The following POF1B variants were observed in gnomAD, a reference collection of about 807,000 sequenced individuals.
The protein encoded by POF1B is POF1B actin binding protein, also known as protein POF1B.
A neutral mutation model predicts 55.3 loss-of-function variants in POF1B; 53 were observed. That is an observed-to-expected ratio of 0.96 (90% CI 0.77 to 1.20). The LOEUF is 1.20. Among genes scored for constraint, POF1B ranks in the 50% most tolerant of loss-of-function variants. POF1B has a pLI of 0.00. For missense variants in POF1B, 478 were observed against 420.5 expected (o/e 1.14, Z -1.20); for synonymous variants, 188 against 148.3 (o/e 1.27, Z -1.95).
intron 4 of POF1B, 24 bp from the exon 5 acceptor site, chrX:85,351,475 T>G (rs768443868): frequency 8.9e-7 from 1 of 1,117,328 alleles, no homozygotes; most frequent in Admixed American, 2.3e-5. Flanking sequence ...AAATTATATG[T>G]TTTGTTTTGA....
chrX:85,285,656 T>TGGGGGGGG (rs1932034409), intron 15 of POF1B, among the ~76,000 whole-genome samples: 2 of 36,357 alleles, frequency 5.5e-5, no homozygotes, highest in Admixed American at 4.2e-4. Context: ...TGTCGTGGGG[T>TGGGGGGGG]GGGGGGAGGG....
chrX:85,303,058 G>A (rs1005243088), intron 15 of POF1B, among the ~76,000 whole-genome samples: 3 of 111,298 alleles, frequency 2.7e-5, no homozygotes, highest in Non-Finnish European at 3.8e-5. Context: ...AAATCCATCT[G>A]GATACCAAGT....
intron 7 of POF1B, among the ~76,000 whole-genome samples, chrX:85,316,437 C>A (rs888134869): frequency 1.4e-4 from 15 of 110,943 alleles, no homozygotes; most frequent in African/African-American, 4.2e-4. Context: ...ACTGGTTATA[C>A]CAGACTGGCA....
intron 2 of POF1B, among the ~76,000 whole-genome samples, chrX:85,372,609 G>T (rs948439293): frequency 9.4e-6 from 1 of 106,820 alleles, no homozygotes; most frequent in Admixed American, 1.0e-4. Context: ...AACATTAGGA[G>T]AAATACCTAA....
chrX:85,292,592 G>A (rs1464480289), intron 15 of POF1B, among the ~76,000 whole-genome samples: 1 of 110,961 alleles, frequency 9.0e-6, no homozygotes, highest in Admixed American at 9.6e-5. Context: ...TTGTTTGGCA[G>A]GCTATTTATT....
chrX:85,352,374 T>G (rs1384682640), intron 4 of POF1B, among the ~76,000 whole-genome samples: 1 of 111,394 alleles, frequency 9.0e-6, no homozygotes, highest in East Asian at 2.8e-4. Context: ...GGTTAATGTA[T>G]TTAAGAACAT....
intron 6 of POF1B, among the ~76,000 whole-genome samples, chrX:85,338,527 G>A (rs915162083): frequency 4.5e-5 from 5 of 111,769 alleles, no homozygotes; most frequent in African/African-American, 1.3e-4. Context: ...TTGTAACAGC[G>A]TAAATTATTC....
Position 85,279,389 on chromosome X carries a change from C to G in POF1B, c.*32G>C, listed in dbSNP as rs767407495. On this transcript the variant is annotated 3_prime_UTR_variant, in exon 17 of 17. Transcript: ENST00000262753. ...AGACACACACACAAAAAAAAAACGGCTTTGAGTTGTAATACTTTAAAGTGG... is the reference window on the plus strand; with the variant it reads ...AGACACACACACAAAAAAAAAACGGGTTTGAGTTGTAATACTTTAAAGTGG... 35 of 1,169,450 alleles carry G rather than the reference C, an allele frequency of 3.0e-5. No homozygotes were observed. The highest frequency in any genetic ancestry group is 4.0e-5 in the Non-Finnish European group (35 of 865,625).
chrX:85,345,573 C>T (rs1933252801), intron 6 of POF1B, among the ~76,000 whole-genome samples: 1 of 110,937 alleles, frequency 9.0e-6, no homozygotes, highest in African/African-American at 3.3e-5. Flanking sequence ...TTTAACATTG[C>T]ACAACTGTTG....
rs1933971269 is a variant in POF1B, at chrX:85,379,263, C to T, written c.192G>A (p.Gln64=). The T allele has an allele frequency of 1.7e-5, 21 of 1,208,245 alleles. No homozygotes were observed. In the East Asian group the frequency reaches 6.2e-4, roughly 36 times the overall value. ...CCCGTGAGTTGAAGGGGTCCAAGGC[C>T]TGCACCACCTTGTTCATGGGCCCAC... is the stretch of plus-strand genomic sequence containing the variant. The part of the protein sequence containing the change: ...TYSGPMNKVV[Q]ALDPFNSREV... Residue 64 remains glutamine, a synonymous_variant, in exon 2 of 17, where the codon CAG becomes CAA. Transcript: ENST00000262753.
At chrX:85,356,470 A>T (rs1017749076) in intron 4 of POF1B, among the ~76,000 whole-genome samples, 1 of 110,758 alleles carries the variant, frequency 9.0e-6, no homozygotes, top group Non-Finnish European at 1.9e-5. Context: ...AAAAGAAAAA[A>T]AAAGAAAAAA....
intron 16 of POF1B, 127 bp downstream of exon 16, chrX:85,282,076 A>T (rs959782375): frequency 1.7e-5 from 15 of 866,995 alleles, no homozygotes; most frequent in Non-Finnish European, 2.1e-5. Flanking sequence ...TATATCAATA[A>T]TGGAAACAGA....
At chrX:85,320,486 G>A (rs1264683779) in intron 7 of POF1B, among the ~76,000 whole-genome samples, 5 of 111,035 alleles carry the variant, frequency 4.5e-5, no homozygotes, top group African/African-American at 1.6e-4. Context: ...ACAAGAGAAA[G>A]CAGGAAAGAT....
chrX:85,314,618 C>T (rs1477951227), intron 8 of POF1B, 112 bp from the exon 9 acceptor site: 2 of 437,217 alleles, frequency 4.6e-6, no homozygotes, highest in African/African-American at 5.1e-5. Flanking sequence ...AAGACTAATT[C>T]ACTTTTTGAG....
intron 2 of POF1B, among the ~76,000 whole-genome samples, chrX:85,372,031 C>T (rs1401730039): frequency 9.0e-6 from 1 of 111,705 alleles, no homozygotes; most frequent in Non-Finnish European, 1.9e-5. Flanking sequence ...TTATTGGCAA[C>T]TTTAAGTAGA....
chrX:85,370,883 T>A (rs1770700558), intron 2 of POF1B, among the ~76,000 whole-genome samples: 1 of 112,185 alleles, frequency 8.9e-6, no homozygotes, highest in African/African-American at 3.2e-5. Context: ...TATCAGTCAG[T>A]GTTTAATTTT....
intron 15 of POF1B, among the ~76,000 whole-genome samples, chrX:85,290,684 T>C (rs1386680953): frequency 8.9e-6 from 1 of 112,110 alleles, no homozygotes; most frequent in African/African-American, 3.2e-5. Flanking sequence ...TGGTTTTAAT[T>C]TTCATTTCTC....
intron 9 of POF1B, among the ~76,000 whole-genome samples, chrX:85,308,503 C>T (rs1173838730): frequency 1.8e-5 from 2 of 111,017 alleles, no homozygotes; most frequent in Non-Finnish European, 1.9e-5. Flanking sequence ...TTAATTTTTA[C>T]ATTATTCTTT....
At chrX:85,331,990 T>G (rs770692249) in intron 6 of POF1B, among the ~76,000 whole-genome samples, 2 of 112,103 alleles carry the variant, frequency 1.8e-5, no homozygotes, top group Non-Finnish European at 3.8e-5. Flanking sequence ...CCATATTTTC[T>G]TTATCCACTT....
Sources: gnomAD v4.1 joint callset for allele counts (sites outside exome capture counted in the v4.1 genomes callset) on GRCh38, gnomAD v4.1.1 for gene constraint, MANE v1.5 for transcripts, NCBI Gene and HGNC (gene_info 2026-07-23, HGNC 2026-07-21) for gene names.